Variants in LDLRAD4 observed in about 807,000 individuals in gnomAD.
LDLRAD4 encodes low-density lipoprotein receptor class A domain-containing protein 4.
In LDLRAD4, 5 loss-of-function variants were observed where a neutral mutation model predicts 17.0. The ratio of observed to expected loss-of-function variants is 0.29; its 90% CI spans 0.15 to 0.62. LDLRAD4 has a LOEUF of 0.62. LDLRAD4 is among the 20% of genes least tolerant of loss of function. LDLRAD4 has a pLI of 0.84. For synonymous variants in LDLRAD4, 168 were observed against 171.8 expected, an observed-to-expected ratio of 0.98 and a Z score of 0.17; for missense variants, 340 against 424.7, an observed-to-expected ratio of 0.80 and a Z score of 1.75.
At chr18:13,528,727 A>G (rs2094077086) in intron 3 of LDLRAD4, among the ~76,000 whole-genome samples, 2 of 152,240 alleles carry the variant, frequency 1.3e-5, no homozygotes, top group African/African-American at 2.4e-5. Flanking sequence ...CTCTTCTACA[A>G]CTAGCTTGTT....
intron 3 of LDLRAD4, among the ~76,000 whole-genome samples, chr18:13,558,708 A>G (rs903104491): frequency 6.6e-6 from 1 of 152,232 alleles, no homozygotes; most frequent in Admixed American, 6.5e-5. Context: ...GAAATGCAAA[A>G]TAATTTTGCT....
Position 13,622,446 on chromosome 18 carries a change from A to G in LDLRAD4, c.336+1175A>G, listed in dbSNP as rs1457259931. 6.6e-6 allele frequency among the ~76,000 whole-genome samples: 1 copy of G among 151,946 alleles called. No homozygotes were observed. Among genetic ancestry groups the G allele is most frequent in the Non-Finnish European group, 1.5e-5 (1 of 67,940 alleles). ...GATGGGATGCCAGGGGAAGACGTGC[A>G]CCCTTGACAGCCGTTTCCTCCTCTT... On this transcript the variant is annotated intron_variant, in intron 4 of 5. Coordinates refer to ENST00000359446, the Ensembl canonical transcript of LDLRAD4. The surrounding 1 kb of genome is among the most constrained non-coding windows in gnomAD (Gnocchi z 5.3).
chr18:13,630,854 G>C (rs1040161872), intron 4 of LDLRAD4, among the ~76,000 whole-genome samples: 2 of 152,244 alleles, frequency 1.3e-5, no homozygotes, highest in Admixed American at 1.3e-4. Flanking sequence ...TTCTGTTTCA[G>C]TTTTTGGAAT....
intron 3 of LDLRAD4, among the ~76,000 whole-genome samples, chr18:13,492,318 T>C (rs1180771693): frequency 1.3e-5 from 2 of 152,238 alleles, no homozygotes; most frequent in Non-Finnish European, 2.9e-5. Context: ...GGATCTCATC[T>C]TTGTAAAGTT....
chr18:13,402,725 C>T (rs2087342504), intron 2 of LDLRAD4, among the ~76,000 whole-genome samples: 1 of 152,190 alleles, frequency 6.6e-6, no homozygotes, highest in South Asian at 2.1e-4. Flanking sequence ...GATTTGGGGA[C>T]TCTTCCATCA....
chr18:13,416,523 T>A (rs2088909678), intron 2 of LDLRAD4, among the ~76,000 whole-genome samples: 1 of 152,186 alleles, frequency 6.6e-6, no homozygotes, highest in Non-Finnish European at 1.5e-5. Context: ...GAAAACAGGC[T>A]TCAGCAGAGA....
intron 1 of LDLRAD4, among the ~76,000 whole-genome samples, chr18:13,374,500 G>A (rs1037334608): frequency 6.6e-6 from 1 of 152,202 alleles, no homozygotes; most frequent in African/African-American, 2.4e-5. Context: ...GCCCTGCCCC[G>A]GACCTGCTGA....
At chr18:13,590,371 GTGT>G (rs985099988) in intron 3 of LDLRAD4, among the ~76,000 whole-genome samples, 1 of 152,072 alleles carries the variant, frequency 6.6e-6, no homozygotes, top group African/African-American at 2.4e-5. Flanking sequence ...GTATGTGCAC[GTGT>G]TGTGTGTGTG....
At position 13,607,429 on chromosome 18, in the gene LDLRAD4, T is replaced by C. The variant is rs1009674881; in HGVS notation, c.182-13688T>C. ...AAAGGTATTTCTAATTCTTTTTTTCTTATTATTTTATTTTACTTTAAGTTC... is the reference window on the plus strand; with the variant it reads ...AAAGGTATTTCTAATTCTTTTTTTCCTATTATTTTATTTTACTTTAAGTTC... On this transcript the variant is annotated intron_variant, in intron 3 of 5. Coordinates refer to ENST00000359446, the Ensembl canonical transcript of LDLRAD4. Among the ~76,000 whole-genome samples the C allele has an allele frequency of 1.8e-4, 27 of 152,284 alleles. 1 individual carries two copies. The highest frequency in any genetic ancestry group is 2.1e-4 in the South Asian group (1 of 4,818).
intron 3 of LDLRAD4, among the ~76,000 whole-genome samples, chr18:13,530,033 AAT>A (rs1371806511): frequency 6.6e-6 from 1 of 152,170 alleles, no homozygotes; most frequent in Non-Finnish European, 1.5e-5. Flanking sequence ...TTCATCCTCA[AAT>A]ATGTGTCCTT....
At chr18:13,564,272 T>C (rs890258830) in intron 3 of LDLRAD4, among the ~76,000 whole-genome samples, 1 of 152,228 alleles carries the variant, frequency 6.6e-6, no homozygotes, top group Non-Finnish European at 1.5e-5. Context: ...CCCTCCTAAA[T>C]GGAGCAGTAT....
chr18:13,220,930 G>T (rs930561190), intron 1 of LDLRAD4, among the ~76,000 whole-genome samples: 5 of 152,192 alleles, frequency 3.3e-5, no homozygotes, highest in African/African-American at 4.8e-5. Flanking sequence ...CCTTGTGGTG[G>T]GTGGGAGGTG....
At chr18:13,243,846 T>C (rs2042805771) in intron 1 of LDLRAD4, among the ~76,000 whole-genome samples, 1 of 145,346 alleles carries the variant, frequency 6.9e-6, no homozygotes, top group Admixed American at 6.9e-5. Flanking sequence ...CTATCCACCA[T>C]GTACTCACTC....
At chr18:13,635,371 G>A (rs1026424014) in intron 4 of LDLRAD4, among the ~76,000 whole-genome samples, 1 of 152,084 alleles carries the variant, frequency 6.6e-6, no homozygotes, top group African/African-American at 2.4e-5. Flanking sequence ...TAATTACCTA[G>A]CAAAGATTCC....
chr18:13,481,055 T>G (rs2093070783), intron 3 of LDLRAD4, among the ~76,000 whole-genome samples: 2 of 152,122 alleles, frequency 1.3e-5, no homozygotes, highest in Admixed American at 6.5e-5. Context: ...GGGACGGACA[T>G]GGGGTGGGGC....
intron 3 of LDLRAD4, among the ~76,000 whole-genome samples, chr18:13,495,289 C>T (rs748322860): frequency 3.6e-4 from 55 of 152,158 alleles, no homozygotes; most frequent in Admixed American, 1.8e-3. Context: ...GAGGCGAATA[C>T]GGTGCGGGGA....
intron 1 of LDLRAD4, among the ~76,000 whole-genome samples, chr18:13,226,101 A>G (rs1232392333): frequency 6.9e-6 from 1 of 145,406 alleles, no homozygotes; most frequent in African/African-American, 2.6e-5. Flanking sequence ...GCTCATTGCA[A>G]CCGCCATTTC....
chr18:13,351,095 A>G (rs1301771881), intron 1 of LDLRAD4, among the ~76,000 whole-genome samples: 1 of 151,972 alleles, frequency 6.6e-6, no homozygotes, highest in African/African-American at 2.4e-5. Context: ...TTTGCTTAGG[A>G]TTGTCTTGGC....
chr18:13,547,845 C>T (rs778371473), intron 3 of LDLRAD4, among the ~76,000 whole-genome samples: 2 of 152,212 alleles, frequency 1.3e-5, no homozygotes, highest in Non-Finnish European at 2.9e-5. Flanking sequence ...ATTCTCTCTT[C>T]TCTCCTTCTT....
Sources: allele counts gnomAD v4.1 joint callset (sites outside exome capture counted in the v4.1 genomes callset), GRCh38; gene constraint gnomAD v4.1.1; non-coding constraint Gnocchi (gnomAD v3.1); transcripts MANE v1.5; gene names NCBI Gene and HGNC (gene_info 2026-07-23, HGNC 2026-07-21).